Variants in TRIM9 observed in about 807,000 individuals in gnomAD.
TRIM9 encodes the protein E3 ubiquitin-protein ligase TRIM9.
TRIM9 carries 26 observed loss-of-function variants against 78.3 expected under a neutral mutation model. The observed-to-expected ratio is 0.33, with a 90% confidence interval of 0.24 to 0.46. TRIM9 has a LOEUF of 0.46. TRIM9 is among the 20% of genes least tolerant of loss of function. The pLI is 1.00. For synonymous variants in TRIM9, 398 were observed against 416.5 expected, an observed-to-expected ratio of 0.96 and a Z score of 0.54; for missense variants, 787 against 1,036.4, an observed-to-expected ratio of 0.76 and a Z score of 3.30.
chr14:51,054,458 T>C (rs2060722657), intron 1 of TRIM9, among the ~76,000 whole-genome samples: 1 of 148,054 alleles, frequency 6.8e-6, no homozygotes, highest in Non-Finnish European at 1.5e-5. Context: ...TTTTTTTTGT[T>C]AGAGATGGGG....
chr14:51,009,153 C>A lies in TRIM9; in HGVS notation c.1233G>T (p.Thr411=). ...GKGTLTPRMT[T]DFDLSLDNSP... is the part of the protein sequence containing the mutation. The stretch of plus-strand genomic sequence containing the variant: ...TGTTGTCCAGACTCAAGTCAAAGTC[C>A]GTGGTCATCCTTGGAGTGAGTGTGC... Residue 411 remains threonine, a synonymous_variant, in exon 5 of 13, where the codon ACG becomes ACT. Transcript: ENST00000684578. 6.2e-7 allele frequency: 1 copy of A among 1,614,104 alleles called. No individual in the cohort carries two copies. Among genetic ancestry groups the A allele is most frequent in the South Asian group, 1.1e-5 (1 of 91,082 alleles).
chr14:50,997,365 C>T lies in TRIM9; in HGVS notation c.1603+685G>A, dbSNP rs12883270. ...GAGATGAACCTTGTATGGTGGCTCTCGGTAGCCTAGCCAAGACTGAAGGGA... is the reference window on the plus strand; with the variant it reads ...GAGATGAACCTTGTATGGTGGCTCTTGGTAGCCTAGCCAAGACTGAAGGGA... On this transcript the variant is annotated intron_variant, in intron 7 of 12. Coordinates refer to ENST00000684578, the MANE Select transcript of TRIM9 (RefSeq NM_001387360.1). 2,332 of 985,032 alleles carry T rather than the reference C, an allele frequency of 2.4e-3. 2 individuals are homozygous for T. Among genetic ancestry groups the T allele is most frequent in the Non-Finnish European group, 2.7e-3 (2,251 of 829,906 alleles). The allele number at this position is 985,032 out of a possible 1,614,324, so 61.0% of individuals were successfully genotyped here. A position where few individuals can be genotyped will look rare whatever the true frequency, so the allele number is the denominator to read the frequency against.
chr14:51,093,818 C>A (rs555897827), intron 1 of TRIM9, among the ~76,000 whole-genome samples: 45 of 152,364 alleles, frequency 3.0e-4, no homozygotes, highest in African/African-American at 1.0e-3. Context: ...GCCGCGGCCA[C>A]TGGCTGCAGA....
At chr14:51,047,507 T>C (rs897058574) in intron 1 of TRIM9, among the ~76,000 whole-genome samples, 5 of 152,188 alleles carry the variant, frequency 3.3e-5, no homozygotes, top group African/African-American at 1.2e-4. Context: ...AGAGATATTA[T>C]AAAGTTAGAA....
rs764037350 is a variant in TRIM9, at chr14:51,094,588, C to A, written c.352G>T (p.Ala118Ser). 13 of 1,611,170 alleles carry A rather than the reference C, an allele frequency of 8.1e-6. No homozygotes were observed. The highest frequency in any genetic ancestry group is 9.3e-6 in the Non-Finnish European group (11 of 1,178,806). ...PPATHLSPAL[A>S]PVPRNSCITC... Reference sequence around the variant, plus strand: ...ATACAGGAGTTGCGGGGCACCGGGGCCAGGGCCGGTGACAAGTGGGTGGCC... The same window carrying A: ...ATACAGGAGTTGCGGGGCACCGGGGACAGGGCCGGTGACAAGTGGGTGGCC... Residue 118 changes from alanine (A) to serine (S), a missense_variant, in exon 1 of 13, where the codon GCC (alanine) becomes TCC (serine). Physicochemically the swap from Ala to Ser is moderately conservative, Grantham distance 99 (BLOSUM62 1). This residue lies in a region of TRIM9 where 352 missense variants were observed against 472.3 expected (regional missense o/e 0.75). Coordinates refer to ENST00000684578, the MANE Select transcript of TRIM9 (RefSeq NM_001387360.1).
In TRIM9 at chr14:51,094,349, G is replaced by A. The variant is rs371645942; in HGVS notation, c.591C>T (p.Cys197=). ...TGGCTAGGGGCCCCCGGGGCGGGTGGCAGCGCAGGCGGCACGGATCGCAGT... is the reference window on the plus strand; with the variant it reads ...TGGCTAGGGGCCCCCGGGGCGGGTGACAGCGCAGGCGGCACGGATCGCAGT... ...VFYCDPCRLR[C]HPPRGPLAKH... The change falls in exon 1 of 13, where the codon TGC becomes TGT. Residue 197 remains cysteine, a synonymous_variant. Transcript: ENST00000684578. The A allele has an allele frequency of 1.2e-6, 2 of 1,613,488 alleles. No individual in the cohort carries two copies. Among genetic ancestry groups the A allele is most frequent in the African/African-American group, 1.3e-5 (1 of 74,952 alleles).
intron 12 of TRIM9, chr14:50,979,146 G>T (rs2051464152): frequency 2.8e-6 from 4 of 1,409,478 alleles, no homozygotes; most frequent in Non-Finnish European, 3.7e-6. Context: ...ACCATGAAGA[G>T]AATTCTAGTT....
rs1214241020 is a variant in TRIM9, at chr14:50,998,125, T to A, written c.1528A>T (p.Asn510Tyr). 1 of 1,614,220 alleles carries A rather than the reference T, an allele frequency of 6.2e-7. No homozygotes were observed. The highest frequency in any genetic ancestry group is 2.2e-5 in the East Asian group (1 of 44,884). ...VDGLHFNSTY[N>Y]ARVKAFNKTG... ...TTGTTGAAGGCCTTGACCCGAGCGT[T>A]GTATGTGCTGTTGAAGTGAAGACCA... is the stretch of plus-strand genomic sequence containing the variant. Residue 510 changes from asparagine to tyrosine, a missense_variant, in exon 7 of 13, where the codon AAC (asparagine) becomes TAC (tyrosine). Transcript: ENST00000684578.
chr14:51,048,340 G>A (rs1205158126), intron 1 of TRIM9, among the ~76,000 whole-genome samples: 4 of 152,198 alleles, frequency 2.6e-5, no homozygotes, highest in African/African-American at 9.6e-5. Flanking sequence ...CTGTGGATAG[G>A]AGCCACATTC....
chr14:51,071,385 A>G (rs2062236370), intron 1 of TRIM9, among the ~76,000 whole-genome samples: 1 of 123,614 alleles, frequency 8.1e-6, no homozygotes, highest in Non-Finnish European at 1.7e-5. Context: ...TAAAAAAAAA[A>G]AGAAAAAAAA....
At chr14:51,023,191 C>A (rs1031641031) in intron 2 of TRIM9, among the ~76,000 whole-genome samples, 15 of 152,236 alleles carry the variant, frequency 9.9e-5, no homozygotes, top group Non-Finnish European at 1.9e-4. Flanking sequence ...AAAAGGAAAT[C>A]ATCTCCACAA....
At chr14:51,010,328 TA>T in intron 4 of TRIM9, 55 bp downstream of exon 4, 1 of 1,450,738 alleles carries the variant, frequency 6.9e-7, no homozygotes, top group Non-Finnish European at 9.7e-7. Flanking sequence ...TTAAGCATCC[TA>T]GACTATGTCC....
At chr14:51,025,115 C>T in intron 2 of TRIM9, 150 bp downstream of exon 2, 1 of 706,426 alleles carries the variant, frequency 1.4e-6, no homozygotes, top group South Asian at 1.9e-5. Context: ...TGAAGTTGAT[C>T]TCTATGTGTT....
chr14:50,995,728 T>C (rs2054123395), intron 7 of TRIM9, among the ~76,000 whole-genome samples: 1 of 151,880 alleles, frequency 6.6e-6, no homozygotes, highest in Non-Finnish European at 1.5e-5. Context: ...TTTGTTACAC[T>C]AGAAAGCCAG....
At chr14:50,993,688 G>A (rs916772606) in intron 7 of TRIM9, among the ~76,000 whole-genome samples, 3 of 152,122 alleles carry the variant, frequency 2.0e-5, no homozygotes, top group East Asian at 1.9e-4. Flanking sequence ...GCTACACAGC[G>A]CTGCTTCATT....
chr14:51,056,428 A>G (rs534252994), intron 1 of TRIM9, among the ~76,000 whole-genome samples: 4 of 152,366 alleles, frequency 2.6e-5, no homozygotes, highest in African/African-American at 9.6e-5. Context: ...AAACAAAATA[A>G]GCAAATTTAT....
chr14:51,004,127 T>C (rs1160262971), intron 5 of TRIM9, among the ~76,000 whole-genome samples: 1 of 152,206 alleles, frequency 6.6e-6, no homozygotes, highest in Non-Finnish European at 1.5e-5. Flanking sequence ...CATAGCTATA[T>C]TGATTTTTAC....
chr14:50,990,769 G>A (rs534511178), intron 7 of TRIM9, among the ~76,000 whole-genome samples: 3 of 152,212 alleles, frequency 2.0e-5, no homozygotes, highest in South Asian at 2.1e-4. Flanking sequence ...TTTGGAGCAC[G>A]GTAAGGCAAG....
intron 1 of TRIM9, among the ~76,000 whole-genome samples, chr14:51,061,064 T>C (rs2061316020): frequency 6.6e-6 from 1 of 152,214 alleles, no homozygotes; most frequent in Non-Finnish European, 1.5e-5. Flanking sequence ...ATGTCCTTAA[T>C]GGCATTCCTA....
Sources: allele counts gnomAD v4.1 joint callset (sites outside exome capture counted in the v4.1 genomes callset), GRCh38; gene constraint gnomAD v4.1.1; regional missense constraint gnomAD v4.1.1; transcripts MANE v1.5; gene names NCBI Gene and HGNC (gene_info 2026-07-23, HGNC 2026-07-21).